The following FBXO21 variants were observed in gnomAD, a reference collection of about 807,000 sequenced individuals.
The protein encoded by FBXO21 is F-box protein 21, also known as F-box only protein 21.
A neutral mutation model predicts 76.6 loss-of-function variants in FBXO21; 32 were observed. The ratio of observed to expected loss-of-function variants is 0.42; its 90% CI spans 0.32 to 0.56. The LOEUF (loss-of-function observed/expected upper bound fraction) is 0.56. FBXO21 is among the 20% of genes least tolerant of loss of function. FBXO21 has a pLI of 0.16. For synonymous variants in FBXO21, 328 were observed against 311.5 expected (o/e 1.05, Z -0.56); for missense variants, 586 against 797.3 (o/e 0.73, Z 3.19).
At chr12:117,177,396 C>T (rs1956186654) in intron 4 of FBXO21, 124 bp downstream of exon 4, 1 of 916,292 alleles carries the variant, frequency 1.1e-6, no homozygotes, top group Admixed American at 2.5e-5. Flanking sequence ...TGCAGAAGCC[C>T]ACGCAACATG....
intron 3 of FBXO21, among the ~76,000 whole-genome samples, chr12:117,183,240 C>T (rs986191514): frequency 1.3e-5 from 2 of 150,188 alleles, no homozygotes; most frequent in Non-Finnish European, 2.9e-5. Context: ...GGCAGTATCT[C>T]ATTGCTGTTT....
intron 11 of FBXO21, among the ~76,000 whole-genome samples, chr12:117,151,317 C>G (rs1204030386): frequency 6.7e-6 from 1 of 148,818 alleles, no homozygotes; most frequent in Non-Finnish European, 1.5e-5. Flanking sequence ...TACACACATG[C>G]AAGATGCCGG....
intron 8 of FBXO21, among the ~76,000 whole-genome samples, chr12:117,166,147 G>C (rs568545109): frequency 6.8e-6 from 1 of 146,928 alleles, no homozygotes; most frequent in Admixed American, 7.0e-5. Context: ...CTGAGATCAC[G>C]CCATTGCACT....
rs778493680 is a variant in FBXO21, at chr12:117,190,265, C to G, written c.192G>C (p.Glu64Asp). The stretch of plus-strand genomic sequence containing the variant: ...ACACCTTCCCGCTGCTCTGGCACAG[C>G]TCGCGCAGCCGCCGGCAGGTGCTGG... ...RVSSTCRRLR[E>D]LCQSSGKVWK... The change falls in exon 1 of 12, where the codon GAG becomes GAC. Residue 64 changes from glutamate to aspartate, a missense_variant. Glu to Asp is a conservative substitution (Grantham distance 45). Transcript: ENST00000622495. 1.1e-5 allele frequency: 17 copies of G among 1,546,100 alleles called. No homozygotes were observed. In the East Asian group the frequency reaches 4.5e-4, roughly 41 times the overall value.
chr12:117,186,547 T>G lies in FBXO21; in HGVS notation c.400A>C (p.Ile134Leu). 1 of 1,613,096 alleles carries G rather than the reference T, an allele frequency of 6.2e-7. No homozygotes were observed. Among genetic ancestry groups the G allele is most frequent in the Non-Finnish European group, 8.5e-7 (1 of 1,179,484 alleles). ...ATCTCTGGTCCTTCAAGGTTCTCAA[T>G]GTCACTGAAGCCATTACAAGGAACC... ...EHVPCNGFSD[I>L]ENLEGPEIFF... The change falls in exon 3 of 12, where the codon ATT (isoleucine) becomes CTT (leucine). Residue 134 changes from isoleucine to leucine, a missense_variant. Physicochemically the swap from Ile to Leu is conservative, Grantham distance 5. Coordinates refer to ENST00000622495, the MANE Select transcript of FBXO21 (RefSeq NM_015002.3).
chr12:117,161,791 T>C (rs1251995545), intron 9 of FBXO21, among the ~76,000 whole-genome samples: 1 of 151,910 alleles, frequency 6.6e-6, no homozygotes, highest in Non-Finnish European at 1.5e-5. Context: ...GTAGAAGACG[T>C]CTAGAAACCA....
intron 1 of FBXO21, 48 bp from the exon 2 acceptor site, chr12:117,189,410 G>A (rs769136047): frequency 1.2e-6 from 2 of 1,610,358 alleles, no homozygotes; most frequent in Admixed American, 1.7e-5. Context: ...CTCAAAGGCA[G>A]GCGGCCACGA....
At chr12:117,190,194 C>T (rs1956330563) in intron 1 of FBXO21, 24 bp downstream of exon 1, 2 of 1,255,454 alleles carry the variant, frequency 1.6e-6, no homozygotes, top group Admixed American at 3.9e-5. Context: ...GGCGCGCAGC[C>T]GGGGCGCGGG....
chr12:117,160,823 C>T (rs979933712), intron 9 of FBXO21, among the ~76,000 whole-genome samples: 4 of 152,214 alleles, frequency 2.6e-5, no homozygotes, highest in African/African-American at 7.2e-5. Context: ...TGGTAGAGAC[C>T]GGGTTTTGTC....
chr12:117,182,019 T>C (rs1956239497), intron 3 of FBXO21, among the ~76,000 whole-genome samples: 1 of 152,130 alleles, frequency 6.6e-6, no homozygotes, highest in African/African-American at 2.4e-5. Flanking sequence ...TAAGACCACA[T>C]AGCACATCAT....
chr12:117,164,330 G>A (rs1183995216), intron 9 of FBXO21, among the ~76,000 whole-genome samples: 1 of 145,334 alleles, frequency 6.9e-6, no homozygotes, highest in East Asian at 2.1e-4. Context: ...TGGCTAGAGT[G>A]AAGTGGCATG....
intron 3 of FBXO21, 26 bp from the exon 4 acceptor site, chr12:117,177,667 T>C: frequency 6.2e-7 from 1 of 1,606,328 alleles, no homozygotes; most frequent in Non-Finnish European, 8.5e-7. Flanking sequence ...CAGTAAGAAT[T>C]AAGATTTGAA....
chr12:117,153,498 G>C (rs1024797740), intron 11 of FBXO21, among the ~76,000 whole-genome samples: 6 of 152,234 alleles, frequency 3.9e-5, no homozygotes, highest in African/African-American at 1.4e-4. Flanking sequence ...ACAGAGGTGG[G>C]CACGGAGCCC....
intron 3 of FBXO21, among the ~76,000 whole-genome samples, chr12:117,178,146 T>C (rs1358541544): frequency 6.6e-6 from 1 of 152,134 alleles, no homozygotes; most frequent in Non-Finnish European, 1.5e-5. Context: ...CTTTCATCTT[T>C]CTTCCCCTCC....
intron 3 of FBXO21, among the ~76,000 whole-genome samples, chr12:117,181,215 T>C (rs1377626929): frequency 3.3e-5 from 5 of 152,004 alleles, no homozygotes; most frequent in Admixed American, 2.6e-4. Context: ...GAAAAGTCAC[T>C]GAATTCTTGT....
intron 6 of FBXO21, among the ~76,000 whole-genome samples, chr12:117,172,854 G>T (rs1201594099): frequency 6.6e-6 from 1 of 152,122 alleles, no homozygotes; most frequent in Non-Finnish European, 1.5e-5. Flanking sequence ...TGAAAAAATA[G>T]TTAATACTAT....
intron 6 of FBXO21, among the ~76,000 whole-genome samples, chr12:117,173,310 G>C (rs1242658763): frequency 3.3e-5 from 5 of 152,160 alleles, no homozygotes; most frequent in Non-Finnish European, 5.9e-5. Flanking sequence ...GGATTACAAT[G>C]TAAGCCATCA....
chr12:117,182,764 T>C (rs1280461317), intron 3 of FBXO21, among the ~76,000 whole-genome samples: 2 of 151,666 alleles, frequency 1.3e-5, no homozygotes, highest in Non-Finnish European at 2.9e-5. Flanking sequence ...GGTTTTACCA[T>C]GTTGGACAGG....
At chr12:117,162,740 T>G (rs1955996536) in intron 9 of FBXO21, among the ~76,000 whole-genome samples, 1 of 152,160 alleles carries the variant, frequency 6.6e-6, no homozygotes, top group Non-Finnish European at 1.5e-5. Context: ...GGTCTCACAC[T>G]CCGTAACAAT....
Sources: gnomAD v4.1 joint callset for allele counts (sites outside exome capture counted in the v4.1 genomes callset) on GRCh38, gnomAD v4.1.1 for gene constraint, MANE v1.5 for transcripts, NCBI Gene and HGNC (gene_info 2026-07-23, HGNC 2026-07-21) for gene names.